The following DNAH9 variants were observed in gnomAD, a reference collection of about 807,000 sequenced individuals.
DNAH9 encodes the protein DNAH9 variant protein.
Under a neutral mutation model 471.6 loss-of-function variants are expected in DNAH9, and 345 were observed. The observed-to-expected ratio is 0.73, with a 90% CI of 0.67 to 0.80. DNAH9 has a LOEUF of 0.80. Among genes scored for constraint, DNAH9 ranks in the 30% least tolerant of loss-of-function variants. The pLI, the probability that DNAH9 is intolerant of heterozygous loss-of-function variation, is 0.00. For missense variants in DNAH9, 5,407 were observed against 5,609.2 expected, an observed-to-expected ratio of 0.96 and a Z score of 1.15; for synonymous variants, 2,093 against 2,123.6, an observed-to-expected ratio of 0.99 and a Z score of 0.40.
intron 3 of DNAH9, 53 bp downstream of exon 3, chr17:11,610,607 C>G: frequency 1.3e-6 from 2 of 1,570,058 alleles, no homozygotes; most frequent in South Asian, 1.1e-5. Flanking sequence ...CTTACAGAGA[C>G]TAAAGCTAGA....
rs1297546324 is a variant in DNAH9 at position 11,806,263 on chromosome 17, C to G, written c.8421-1469C>G. ...AAAAGTACATGTCGGTGCCGTCATTCTGCGCGGCAGTCTCTAAAGACTGTC... is the reference window on the plus strand; with the variant it reads ...AAAAGTACATGTCGGTGCCGTCATTGTGCGCGGCAGTCTCTAAAGACTGTC... On this transcript the variant is annotated intron_variant, in intron 43 of 68. Transcript: ENST00000262442. 3.3e-5 allele frequency among the ~76,000 whole-genome samples: 5 copies of G among 152,306 alleles called. No homozygotes were observed. The East Asian group carries it at 9.6e-4, about 29-fold the overall frequency.
At chr17:11,707,698 T>C (rs1025197414) in intron 26 of DNAH9, among the ~76,000 whole-genome samples, 1 of 152,112 alleles carries the variant, frequency 6.6e-6, no homozygotes, top group African/African-American at 2.4e-5. Flanking sequence ...TGGACCAAAA[T>C]GTGAACTCTG....
In DNAH9 at chr17:11,651,113, G is replaced by A. The variant is rs1052887834; in HGVS notation, c.2142G>A (p.Glu714=). 2 of 1,614,168 alleles carry A rather than the reference G, an allele frequency of 1.2e-6. No homozygotes were observed. Among genetic ancestry groups the A allele is most frequent in the Admixed American group, 3.3e-5 (2 of 60,014 alleles). The change falls in exon 13 of 69, where the codon GAG becomes GAA. Residue 714 remains glutamate, a synonymous_variant. Transcript: ENST00000262442. ...AAATGAGCTATCTTGAACCCAGAGA[G>A]ATGAAACACATGCCTGAGACAGCAG... ...LKEMSYLEPR[E]MKHMPETAAA...
intron 45 of DNAH9, 75 bp from the exon 46 acceptor site, chr17:11,821,845 G>A: frequency 6.6e-7 from 1 of 1,525,012 alleles, no homozygotes; most frequent in Admixed American, 2.0e-5. Context: ...TCCTAAGGTA[G>A]GATAACTTCC....
rs2074904094 is a variant in DNAH9 at position 11,713,238 on chromosome 17, C to T, written c.5553-6096C>T. The stretch of plus-strand genomic sequence containing the variant: ...TTCCTGCAAAAGACATGATCTCTTT[C>T]TTTTTTATGGCTGCATAGTATTCGG... On this transcript the variant is annotated intron_variant, in intron 26 of 68. Transcript: ENST00000262442. Among the ~76,000 whole-genome samples, 5 of 152,146 alleles carry T rather than the reference C, an allele frequency of 3.3e-5. No homozygotes were observed. In the South Asian group the frequency reaches 1.0e-3, roughly 31 times the overall value.
intron 50 of DNAH9, among the ~76,000 whole-genome samples, chr17:11,867,857 A>G (rs1443202624): frequency 2.0e-5 from 3 of 152,198 alleles, no homozygotes; most frequent in African/African-American, 7.2e-5. Context: ...GGCATTGCAT[A>G]CTGTGCATGT....
Position 11,693,877 on chromosome 17 carries a change from A to G in DNAH9, c.4624A>G (p.Arg1542Gly), listed in dbSNP as rs770588290. The G allele has an allele frequency of 1.2e-6, 2 of 1,614,100 alleles. No individual in the cohort carries two copies. Among genetic ancestry groups the G allele is most frequent in the African/African-American group, 1.3e-5 (1 of 75,042 alleles). Residue 1542 changes from arginine to glycine, a missense_variant, in exon 21 of 69, where the codon AGG becomes GGG. Transcript: ENST00000262442. ...ACATTTTTATTTGCAGGATTCTAAAAGGTTTGAAGGCATCGACATTGACTT... is the reference window on the plus strand; with the variant it reads ...ACATTTTTATTTGCAGGATTCTAAAGGGTTTGAAGGCATCGACATTGACTT... The part of the protein sequence containing the change: ...IRAQLPQDSK[R>G]FEGIDIDFKE...
At chr17:11,881,776 G>A (rs1387722231) in intron 55 of DNAH9, among the ~76,000 whole-genome samples, 1 of 152,116 alleles carries the variant, frequency 6.6e-6, no homozygotes, top group African/African-American at 2.4e-5. Context: ...ACTGGGCATG[G>A]TGGCGCTAGC....
At position 11,843,542 on chromosome 17, in the gene DNAH9, A is replaced by G. The variant is rs563714016; in HGVS notation, c.9507+8644A>G. ...TTTCTCCAATTTACTTAAAAATAAA[A>G]TACTACTCTAATTGAACTCCAATTT... On this transcript the variant is annotated intron_variant, in intron 49 of 68. Transcript: ENST00000262442. 3.1e-3 allele frequency among the ~76,000 whole-genome samples: 476 copies of G among 151,988 alleles called. 3 individuals carry two copies. The highest frequency in any genetic ancestry group is 0.011 in the African/African-American group (441 of 41,536).
At chr17:11,878,440 A>G (rs1410951845) in intron 53 of DNAH9, among the ~76,000 whole-genome samples, 1 of 151,900 alleles carries the variant, frequency 6.6e-6, no homozygotes, top group Non-Finnish European at 1.5e-5. Flanking sequence ...TTAGTTTTTT[A>G]TTTGATCAGA....
chr17:11,884,857 C>A (rs1057465257), intron 56 of DNAH9, among the ~76,000 whole-genome samples: 1 of 152,100 alleles, frequency 6.6e-6, no homozygotes, highest in Non-Finnish European at 1.5e-5. Flanking sequence ...ACCCAACTTA[C>A]ATCAAGAGAG....
At chr17:11,934,496 A>G (rs1974634448) in intron 65 of DNAH9, among the ~76,000 whole-genome samples, 2 of 121,506 alleles carry the variant, frequency 1.6e-5, no homozygotes, top group African/African-American at 6.4e-5. Flanking sequence ...CCCAGGCTGG[A>G]GTGCAGTGGC....
At chr17:11,817,252 A>G (rs9892637) in intron 45 of DNAH9, among the ~76,000 whole-genome samples, 7,551 of 152,242 alleles carry the variant, frequency 0.05, 633 homozygotes, top group African/African-American at 0.17. Flanking sequence ...AGGAACAAAT[A>G]TGAAAATGCA....
Position 11,610,493 on chromosome 17 carries a change from C to A in DNAH9, c.712C>A (p.Gln238Lys). The change falls in exon 3 of 69, where the codon CAG becomes AAG. Residue 238 changes from glutamine (Q) to lysine (K), a missense_variant. By Grantham distance (53) the Gln-to-Lys change is moderately conservative. Around this residue, in one of 3 missense-constraint regions of DNAH9, gnomAD observed 767 missense variants for 692.5 expected, o/e 1.11. Coordinates refer to ENST00000262442, the MANE Select transcript of DNAH9 (RefSeq NM_001372.4). ...GGTGGTACTCAAGAGAGAGTCTTCC[C>A]AGCCACTCTTACAAGGGGAGAATCC... The part of the protein sequence containing the change: ...VQVVLKRESS[Q>K]PLLQGENPTP... The A allele has an allele frequency of 6.2e-7, 1 of 1,613,412 alleles. No homozygotes were observed. The highest frequency in any genetic ancestry group is 8.5e-7 in the Non-Finnish European group (1 of 1,179,772).
At chr17:11,701,361 G>A in intron 24 of DNAH9, 114 bp downstream of exon 24, 1 of 1,212,944 alleles carries the variant, frequency 8.2e-7, no homozygotes, top group Non-Finnish European at 1.2e-6. Flanking sequence ...TCACAGCCAG[G>A]GAGGCTTGAA....
At chr17:11,762,603 A>G (rs1490950719) in intron 35 of DNAH9, among the ~76,000 whole-genome samples, 1 of 152,038 alleles carries the variant, frequency 6.6e-6, no homozygotes, top group East Asian at 1.9e-4. Flanking sequence ...TCATGATTGT[A>G]TAAAATAACC....
intron 56 of DNAH9, chr17:11,884,405 G>C (rs2150998437): frequency 3.0e-6 from 1 of 335,524 alleles, no homozygotes; most frequent in African/African-American, 2.1e-5. Context: ...CCTCCAACAA[G>C]GCCTTTTGCA....
chr17:11,812,028 T>TATATATATATAC (rs1969940652), intron 45 of DNAH9, among the ~76,000 whole-genome samples: 1 of 27,646 alleles, frequency 3.6e-5, no homozygotes, highest in Non-Finnish European at 6.2e-5. Flanking sequence ...AAAAAAAAAA[T>TATATATATATAC]ATATATATAT....
At chr17:11,884,671 G>A (rs1338335970) in intron 56 of DNAH9, 2 of 413,766 alleles carry the variant, frequency 4.8e-6, no homozygotes, top group Non-Finnish European at 4.9e-6. Flanking sequence ...AGGTTGGAGT[G>A]ATGAGATTGA....
Sources: gnomAD v4.1 joint callset for allele counts (sites outside exome capture counted in the v4.1 genomes callset) on GRCh38, gnomAD v4.1.1 for gene constraint, gnomAD v4.1.1 regional missense constraint, MANE v1.5 for transcripts, NCBI Gene and HGNC (gene_info 2026-07-23, HGNC 2026-07-21) for gene names.